Variants in ZNF347 observed in about 807,000 individuals in gnomAD.
ZNF347 encodes the protein zinc finger protein 347.
A neutral mutation model predicts 12.9 loss-of-function variants in ZNF347; 19 were observed. The observed-to-expected ratio is 1.47, with a 90% CI of 1.03 to 2.16. The LOEUF (loss-of-function observed/expected upper bound fraction) is 2.16. Ranked by LOEUF, ZNF347 falls within the 30% of genes most tolerant of loss-of-function variation. The probability of loss-of-function intolerance (pLI) is 0.00; values close to 1 mark genes in which losing one functional copy is unlikely to be tolerated. For synonymous variants in ZNF347, 328 were observed against 340.6 expected (o/e 0.96, Z 0.41); for missense variants, 1,005 against 990.6 (o/e 1.01, Z -0.19).
intron 4 of ZNF347, among the ~76,000 whole-genome samples, chr19:53,148,217 T>C (rs1460465382): frequency 6.6e-6 from 1 of 152,220 alleles, no homozygotes; most frequent in African/African-American, 2.4e-5. Flanking sequence ...AGTCAAAATA[T>C]ACTTCTTTGC....
At chr19:53,149,862 C>T (rs868105832) in intron 2 of ZNF347, among the ~76,000 whole-genome samples, 4 of 152,290 alleles carry the variant, frequency 2.6e-5, no homozygotes, top group Middle Eastern at 3.4e-3. Flanking sequence ...CCACCAAAGA[C>T]AGCACTCAGC....
At chr19:53,144,612 A>AC (rs1431497217) in intron 4 of ZNF347, among the ~76,000 whole-genome samples, 1 of 152,178 alleles carries the variant, frequency 6.6e-6, no homozygotes, top group African/African-American at 2.4e-5. Flanking sequence ...GACCTAAAAA[A>AC]AGACTTTTTA....
Position 53,138,863 on chromosome 19 carries a change from TAA to T in ZNF347, c.*1443_*1444del, listed in dbSNP as rs1413174204. On this transcript the variant is annotated 3_prime_UTR_variant, in exon 5 of 5. Transcript: ENST00000334197. The stretch of plus-strand genomic sequence containing the variant: ...CATTATGTCTGTGACACATTCTTAA[TAA>T]AACTGTAGCAAAATGTAATTCCAGC... The T allele has an allele frequency of 6.6e-6, 1 of 152,158 alleles. No homozygotes were observed. Among genetic ancestry groups the T allele is most frequent in the African/African-American group, 2.4e-5 (1 of 41,444 alleles). The allele number at this position is 152,158 out of a possible 1,614,324, so 9.4% of individuals were successfully genotyped here. A position where few individuals can be genotyped will look rare whatever the true frequency, so the allele number is the denominator to read the frequency against.
At chr19:53,153,615 A>G (rs1377198762) in intron 2 of ZNF347, 118 bp downstream of exon 2, 1 of 1,463,912 alleles carries the variant, frequency 6.8e-7, no homozygotes, top group Non-Finnish European at 9.6e-7. Context: ...GGCACGCGTA[A>G]GTGCGAGCAA....
intron 1 of ZNF347, among the ~76,000 whole-genome samples, chr19:53,154,068 GGGAGC>G (rs2090516022): frequency 6.6e-6 from 1 of 152,092 alleles, no homozygotes; most frequent in Non-Finnish European, 1.5e-5. Context: ...TGCAGCAATT[GGGAGC>G]TGGGCTGGAC....
intron 2 of ZNF347, among the ~76,000 whole-genome samples, chr19:53,153,089 T>C (rs2090509386): frequency 6.6e-6 from 1 of 152,186 alleles, no homozygotes; most frequent in Admixed American, 6.5e-5. Context: ...GTCTCCATTG[T>C]ATGGGTTTTC....
At position 53,149,334 on chromosome 19, in the gene ZNF347, A is replaced by C. The variant is rs1365474503; in HGVS notation, c.49T>G (p.Phe17Val). The C allele has an allele frequency of 6.8e-6, 11 of 1,613,864 alleles. No homozygotes were observed. Among genetic ancestry groups the C allele is most frequent in the Non-Finnish European group, 9.3e-6 (11 of 1,179,946 alleles). The change falls in exon 3 of 5, where the codon TTC becomes GTC. Residue 17 changes from phenylalanine to valine, a missense_variant. Physicochemically the swap from Phe to Val is conservative, Grantham distance 50. Transcript: ENST00000334197. Reference sequence around the variant, plus strand: ...AGGCATGTCCACTCCTCCTGAGAGAATTCTATAGCCACATCCCTGAATGTC... The same window carrying C: ...AGGCATGTCCACTCCTCCTGAGAGACTTCTATAGCCACATCCCTGAATGTC... ...QVTFRDVAIEFSQEEWTCLDP... is the reference protein window; with the variant it reads ...QVTFRDVAIEVSQEEWTCLDP...
At chr19:53,149,529 A>G (rs1251168350) in intron 2 of ZNF347, 162 bp from the exon 3 acceptor site, 4 of 1,343,350 alleles carry the variant, frequency 3.0e-6, no homozygotes, top group East Asian at 3.1e-5. Context: ...CCTGACATAC[A>G]TCTCACTTGG....
chr19:53,145,704 G>A (rs1035742972), intron 4 of ZNF347, among the ~76,000 whole-genome samples: 1 of 151,510 alleles, frequency 6.6e-6, no homozygotes, highest in Non-Finnish European at 1.5e-5. Flanking sequence ...AAAATTTCCT[G>A]AAACAAATTA....
intron 4 of ZNF347, among the ~76,000 whole-genome samples, chr19:53,143,142 T>G (rs1204575901): frequency 6.6e-6 from 1 of 151,522 alleles, no homozygotes; most frequent in Non-Finnish European, 1.5e-5. Context: ...TGCACAGAGG[T>G]TTTAGTTTCT....
chr19:53,148,869 G>A, intron 3 of ZNF347, 60 bp from the exon 4 acceptor site: 2 of 1,573,218 alleles, frequency 1.3e-6, no homozygotes, highest in South Asian at 1.2e-5. Context: ...CCAGTCCTAT[G>A]TTTACATGAG....
At position 53,140,014 on chromosome 19, in the gene ZNF347, C is replaced by A. The variant is rs1332759695; in HGVS notation, c.*294G>T. ...CTCCTGGGTTCAAGTGATTCTCCTGCCTCAGCCTCCTATATAGCTGGGATT... is the reference window on the plus strand; with the variant it reads ...CTCCTGGGTTCAAGTGATTCTCCTGACTCAGCCTCCTATATAGCTGGGATT... On this transcript the variant is annotated 3_prime_UTR_variant, in exon 5 of 5. Coordinates refer to ENST00000334197, the MANE Select transcript of ZNF347 (RefSeq NM_032584.3). 8.2e-6 allele frequency: 2 copies of A among 244,182 alleles called. No homozygotes were observed. Among genetic ancestry groups the A allele is most frequent in the African/African-American group, 2.3e-5 (1 of 44,388 alleles). 15.1% of individuals were successfully genotyped at this position (244,182 alleles called of 1,614,324 possible).
At chr19:53,149,398 T>C in intron 2 of ZNF347, 31 bp from the exon 3 acceptor site, 1 of 1,612,356 alleles carries the variant, frequency 6.2e-7, no homozygotes, top group Non-Finnish European at 8.5e-7. Context: ...ACCAGGGGGA[T>C]ATAAGGAAAA....
chr19:53,155,267 G>C (rs1445903740), intron 1 of ZNF347, among the ~76,000 whole-genome samples: 5 of 150,918 alleles, frequency 3.3e-5, no homozygotes, highest in Admixed American at 2.6e-4. Context: ...TTTAAAGATG[G>C]AGCGTAGAAG....
chr19:53,155,104 A>G (rs1470472398), intron 1 of ZNF347, among the ~76,000 whole-genome samples: 3 of 151,772 alleles, frequency 2.0e-5, no homozygotes, highest in Non-Finnish European at 4.4e-5. Flanking sequence ...TGCCTGGCTA[A>G]TTTTTGTATT....
chr19:53,148,613 A>G, intron 4 of ZNF347, 68 bp downstream of exon 4: 5 of 1,509,172 alleles, frequency 3.3e-6, no homozygotes, highest in Middle Eastern at 1.8e-4. Context: ...CAGAACTCTC[A>G]GATTTGCATA....
chr19:53,142,033 T>G lies in ZNF347; in HGVS notation c.795A>C (p.Gly265=). 1 of 1,614,066 alleles carries G rather than the reference T, an allele frequency of 6.2e-7. No individual in the cohort carries two copies. Among genetic ancestry groups the G allele is most frequent in the South Asian group, 1.1e-5 (1 of 91,060 alleles). Residue 265 remains glycine, a synonymous_variant, in exon 5 of 5, where the codon GGA becomes GGC. Transcript: ENST00000334197. The stretch of plus-strand genomic sequence containing the variant: ...AATTTTGAGGAAAGACCATGCCACA[T>G]CCATTAGATTTGTAAGGGCTTCCCC... ...NNWGSPYKSN[G]CGMVFPQNSH...
chr19:53,152,887 G>GTA (rs1382765887), intron 2 of ZNF347, among the ~76,000 whole-genome samples: 9 of 150,784 alleles, frequency 6.0e-5, no homozygotes, highest in Non-Finnish European at 7.4e-5. Flanking sequence ...CTGAGATCAT[G>GTA]CCACTGCACT....
At position 53,138,723 on chromosome 19, in the gene ZNF347, T is replaced by G. The variant is rs1191239633; in HGVS notation, c.*1585A>C. 2 of 152,028 alleles carry G rather than the reference T, an allele frequency of 1.3e-5. No individual in the cohort carries two copies. Among genetic ancestry groups the G allele is most frequent in the South Asian group, 2.1e-4 (1 of 4,818 alleles). The allele number at this position is 152,028 out of a possible 1,614,324, so 9.4% of individuals were successfully genotyped here. Reference sequence around the variant, plus strand: ...ACATCCTCCAACCTAAAAGACTGAGTGTATTGTTATTATCTGCTATGAAGT... The same window carrying G: ...ACATCCTCCAACCTAAAAGACTGAGGGTATTGTTATTATCTGCTATGAAGT... On this transcript the variant is annotated 3_prime_UTR_variant, in exon 5 of 5. Transcript: ENST00000334197.
Sources: gnomAD v4.1 joint callset for allele counts (sites outside exome capture counted in the v4.1 genomes callset) on GRCh38, gnomAD v4.1.1 for gene constraint, MANE v1.5 for transcripts, NCBI Gene and HGNC (gene_info 2026-07-23, HGNC 2026-07-21) for gene names.